Variants in SLIT3 observed in about 807,000 individuals in gnomAD.
SLIT3 encodes the protein slit guidance ligand 3, also known as slit homolog 3 protein.
Under a neutral mutation model 184.0 loss-of-function variants are expected in SLIT3, and 68 were observed. The observed-to-expected ratio is 0.37, with a 90% CI of 0.30 to 0.45. The LOEUF is 0.45. Ranked by LOEUF, SLIT3 falls within the 20% of genes least tolerant of loss-of-function variation. The pLI, the probability that SLIT3 is intolerant of heterozygous loss-of-function variation, is 1.00. For missense variants in SLIT3, 1,707 were observed against 2,026.0 expected, an observed-to-expected ratio of 0.84 and a Z score of 3.02; for synonymous variants, 831 against 828.6, an observed-to-expected ratio of 1.00 and a Z score of -0.05.
At chr5:168,751,870 T>TG (rs769524475) in intron 18 of SLIT3, among the ~76,000 whole-genome samples, 7 of 152,084 alleles carry the variant, frequency 4.6e-5, no homozygotes, top group Non-Finnish European at 1.0e-4. Flanking sequence ...CCTGAGTAGC[T>TG]GGGACCACAG....
intron 9 of SLIT3, among the ~76,000 whole-genome samples, chr5:168,804,265 G>A (rs1756872695): frequency 8.4e-6 from 1 of 118,898 alleles, no homozygotes; most frequent in Non-Finnish European, 1.6e-5. Flanking sequence ...AGCCAAGATT[G>A]TGTCATTGTA....
intron 4 of SLIT3, among the ~76,000 whole-genome samples, chr5:169,006,591 T>A (rs1755936513): frequency 2.9e-5 from 4 of 139,450 alleles, no homozygotes; most frequent in South Asian, 2.3e-4. Context: ...TCTCTCTCTC[T>A]CTCTCTCTCT....
At chr5:169,260,916 T>G (rs954097887) in intron 1 of SLIT3, among the ~76,000 whole-genome samples, 4 of 152,296 alleles carry the variant, frequency 2.6e-5, no homozygotes, top group Admixed American at 2.6e-4. Flanking sequence ...TTGGCAACCT[T>G]TTTCTTTAAA....
intron 6 of SLIT3, among the ~76,000 whole-genome samples, chr5:168,826,364 G>C (rs764800032): frequency 3.9e-5 from 6 of 152,170 alleles, no homozygotes; most frequent in Non-Finnish European, 8.8e-5. Flanking sequence ...TACAGTTTTC[G>C]TTTCCCTAAT....
chr5:169,179,621 A>C (rs1428428053), intron 4 of SLIT3, among the ~76,000 whole-genome samples: 1 of 147,946 alleles, frequency 6.8e-6, no homozygotes, highest in African/African-American at 2.6e-5. Context: ...TTGGAGTATG[A>C]AATCCTCCTG....
intron 4 of SLIT3, among the ~76,000 whole-genome samples, chr5:169,051,404 C>T (rs1379726600): frequency 3.3e-5 from 5 of 151,530 alleles, no homozygotes; most frequent in East Asian, 2.0e-4. Context: ...GGAGTGACTC[C>T]AAGAAGGAAA....
chr5:168,701,176 C>T (rs373664464), intron 26 of SLIT3, among the ~76,000 whole-genome samples: 16 of 152,196 alleles, frequency 1.1e-4, no homozygotes, highest in African/African-American at 3.6e-4. Flanking sequence ...GTGTAATCCA[C>T]CTAGCACATA....
intron 4 of SLIT3, among the ~76,000 whole-genome samples, chr5:169,171,190 A>G (rs1762806840): frequency 6.6e-6 from 1 of 152,216 alleles, no homozygotes; most frequent in African/African-American, 2.4e-5. Context: ...TGAGGGTTAG[A>G]TAACATAGCT....
chr5:168,672,427 G>A (rs12655287), intron 33 of SLIT3, among the ~76,000 whole-genome samples: 26,807 of 152,120 alleles, frequency 0.18, 2,705 homozygotes, highest in East Asian at 0.41. Context: ...ATCAGTGCAG[G>A]GGCTGCATTT....
chr5:168,936,192 A>C (rs1762152791), intron 4 of SLIT3, among the ~76,000 whole-genome samples: 1 of 152,186 alleles, frequency 6.6e-6, no homozygotes, highest in Admixed American at 6.5e-5. Context: ...CCACTGGGCC[A>C]AGACCAAATG....
chr5:168,944,040 C>G (rs1006215947), intron 4 of SLIT3, among the ~76,000 whole-genome samples: 2 of 152,188 alleles, frequency 1.3e-5, no homozygotes, highest in African/African-American at 4.8e-5. Context: ...TGAAGGTTCA[C>G]TTTGTTATGC....
At chr5:168,932,403 T>TAC (rs1012359995) in intron 4 of SLIT3, among the ~76,000 whole-genome samples, 1 of 138,880 alleles carries the variant, frequency 7.2e-6, no homozygotes, top group East Asian at 2.3e-4. Flanking sequence ...ACACACACCC[T>TAC]ACACACACAC....
intron 12 of SLIT3, among the ~76,000 whole-genome samples, chr5:168,780,307 A>G (rs1213415107): frequency 6.6e-6 from 1 of 152,248 alleles, no homozygotes; most frequent in Non-Finnish European, 1.5e-5. Flanking sequence ...CCCTTCCAGG[A>G]GAATGGATGA....
At chr5:168,790,520 C>A (rs1756328800) in intron 10 of SLIT3, 1 of 152,198 alleles carries the variant, frequency 6.6e-6, no homozygotes, top group Non-Finnish European at 1.5e-5. Context: ...TGGCCCTTCA[C>A]TGAGGGGAAA....
At chr5:168,705,373 C>T (rs1762344393) in intron 26 of SLIT3, among the ~76,000 whole-genome samples, 1 of 152,162 alleles carries the variant, frequency 6.6e-6, no homozygotes, top group Admixed American at 6.5e-5. Flanking sequence ...CTTATTTAGT[C>T]TACTGTCAGT....
At chr5:168,722,209 G>C (rs1762964318) in intron 23 of SLIT3, 47 bp downstream of exon 23, 1 of 1,554,832 alleles carries the variant, frequency 6.4e-7, no homozygotes, top group African/African-American at 1.4e-5. Context: ...GCTTCCTGCT[G>C]TCACTCAGCA....
chr5:169,115,065 G>C (rs1760604498), intron 4 of SLIT3, among the ~76,000 whole-genome samples: 1 of 152,180 alleles, frequency 6.6e-6, no homozygotes. Flanking sequence ...GAAGTTTGCA[G>C]GGGTCTCATG....
At chr5:169,198,258 G>A (rs747004033) in intron 3 of SLIT3, among the ~76,000 whole-genome samples, 4 of 152,240 alleles carry the variant, frequency 2.6e-5, no homozygotes, top group South Asian at 2.1e-4. Context: ...CGAAGGTGTC[G>A]TGGGAACACA....
At chr5:168,751,160 G>C (rs948879108) in intron 18 of SLIT3, among the ~76,000 whole-genome samples, 3 of 151,982 alleles carry the variant, frequency 2.0e-5, no homozygotes, top group African/African-American at 7.3e-5. Context: ...AATGGAGAGA[G>C]GGAGGGGACA....
Sources: allele counts gnomAD v4.1 joint callset (sites outside exome capture counted in the v4.1 genomes callset), GRCh38; gene constraint gnomAD v4.1.1; transcripts MANE v1.5; gene names NCBI Gene and HGNC (gene_info 2026-07-23, HGNC 2026-07-21).